AHI1: variants seen among roughly 807,000 people sequenced by gnomAD.
The protein encoded by AHI1 is Abelson helper integration site 1, also known as jouberin.
A neutral mutation model predicts 149.3 loss-of-function variants in AHI1; 123 were observed. The ratio of observed to expected loss-of-function variants is 0.82; its 90% CI spans 0.71 to 0.96. AHI1 has a LOEUF of 0.96. Ranked by LOEUF, AHI1 falls within the 40% of genes least tolerant of loss-of-function variation. The pLI is 0.00. For synonymous variants in AHI1, 475 were observed against 459.8 expected (o/e 1.03, Z -0.42); for missense variants, 1,439 against 1,422.7 (o/e 1.01, Z -0.18).
chr6:135,334,082 T>C (rs1484297394), intron 24 of AHI1, among the ~76,000 whole-genome samples: 1 of 152,222 alleles, frequency 6.6e-6, no homozygotes, highest in Admixed American at 6.5e-5. Context: ...GGAAATACTT[T>C]TCTTATTCTT....
At chr6:135,409,275 A>G (rs1176000118) in intron 21 of AHI1, among the ~76,000 whole-genome samples, 1 of 152,132 alleles carries the variant, frequency 6.6e-6, no homozygotes, top group Non-Finnish European at 1.5e-5. Flanking sequence ...ACACATCCTT[A>G]TATTTTTAAA....
At chr6:135,399,884 C>T (rs1337487593) in intron 22 of AHI1, among the ~76,000 whole-genome samples, 1 of 151,570 alleles carries the variant, frequency 6.6e-6, no homozygotes, top group Non-Finnish European at 1.5e-5. Context: ...CCAAATAGTG[C>T]CAACATAATA....
At chr6:135,417,053 A>G (rs189454925) in intron 20 of AHI1, among the ~76,000 whole-genome samples, 5 of 152,224 alleles carry the variant, frequency 3.3e-5, no homozygotes, top group Admixed American at 2.0e-4. Flanking sequence ...AGAAACTTTA[A>G]AGCTGTAAAA....
At chr6:135,473,353 T>C (rs908223140) in intron 5 of AHI1, among the ~76,000 whole-genome samples, 3 of 152,178 alleles carry the variant, frequency 2.0e-5, no homozygotes, top group African/African-American at 7.2e-5. Context: ...ACTATTGCTT[T>C]ATAATGAGTT....
intron 8 of AHI1, among the ~76,000 whole-genome samples, chr6:135,461,752 G>T (rs1302289562): frequency 6.6e-6 from 1 of 151,828 alleles, no homozygotes; most frequent in Non-Finnish European, 1.5e-5. Flanking sequence ...ACAGAATTAA[G>T]AATGAATAAG....
intron 4 of AHI1, among the ~76,000 whole-genome samples, chr6:135,491,462 C>T (rs1404842558): frequency 6.6e-6 from 1 of 152,176 alleles, no homozygotes; most frequent in Non-Finnish European, 1.5e-5. Context: ...GTTAACCTGT[C>T]TGTTTAAATG....
chr6:135,482,893 G>GTTTTTTTTTTTTTTTTTTTTTTTTTTTTT (rs1491384083), intron 5 of AHI1, among the ~76,000 whole-genome samples: 5 of 5,788 alleles, frequency 8.6e-4, no homozygotes, highest in African/African-American at 2.1e-3. Flanking sequence ...TCCATTTAAG[G>GTTTTTTTTTTTTTTTTTTTTTTTTTTTTT]CTTTTTTTTT....
chr6:135,473,388 C>G (rs553594940), intron 5 of AHI1, among the ~76,000 whole-genome samples: 1 of 152,230 alleles, frequency 6.6e-6, no homozygotes, highest in South Asian at 2.1e-4. Flanking sequence ...GTAATTCCAA[C>G]TTTGTTCCTT....
intron 24 of AHI1, among the ~76,000 whole-genome samples, chr6:135,326,541 A>AGTAT (rs761164638): frequency 3.0e-4 from 45 of 152,228 alleles, no homozygotes; most frequent in South Asian, 6.2e-4. Flanking sequence ...TCATGTAAAT[A>AGTAT]GTATACACTG....
At chr6:135,432,889 T>G in intron 16 of AHI1, 138 bp downstream of exon 16, 1 of 629,862 alleles carries the variant, frequency 1.6e-6, no homozygotes, top group Non-Finnish European at 2.8e-6. Flanking sequence ...GTCATATCTA[T>G]CATATGACCT....
At chr6:135,298,318 G>C (rs866623386) in intron 27 of AHI1, among the ~76,000 whole-genome samples, 9 of 137,230 alleles carry the variant, frequency 6.6e-5, no homozygotes, top group Admixed American at 2.1e-4. Flanking sequence ...AGAAGTGACT[G>C]ACATTTCTCA....
At chr6:135,385,737 C>T (rs907004354) in intron 23 of AHI1, among the ~76,000 whole-genome samples, 1 of 152,116 alleles carries the variant, frequency 6.6e-6, no homozygotes, top group Non-Finnish European at 1.5e-5. Flanking sequence ...TTGTACAATA[C>T]GTAAGCTAAA....
intron 24 of AHI1, among the ~76,000 whole-genome samples, chr6:135,325,337 A>T (rs574747811): frequency 2.0e-5 from 3 of 152,166 alleles, no homozygotes; most frequent in Non-Finnish European, 2.9e-5. Context: ...ACAAGTTATA[A>T]TTTTAGTATA....
intron 8 of AHI1, among the ~76,000 whole-genome samples, chr6:135,460,444 C>A (rs969127436): frequency 2.6e-5 from 4 of 152,020 alleles, no homozygotes; most frequent in African/African-American, 9.7e-5. Context: ...AAATTCATAG[C>A]CTGAGAATCA....
chr6:135,427,435 A>C, intron 19 of AHI1, 128 bp from the exon 20 acceptor site: 2 of 779,980 alleles, frequency 2.6e-6, no homozygotes, highest in African/African-American at 1.8e-5. Flanking sequence ...TTTATGTGAA[A>C]ACCTCAAATA....
chr6:135,377,645 A>G (rs1272490123), intron 23 of AHI1, among the ~76,000 whole-genome samples: 7 of 151,944 alleles, frequency 4.6e-5, no homozygotes. Flanking sequence ...ACACTCAGCT[A>G]CTTTTTAAAT....
chr6:135,377,465 AT>A (rs1776116582), intron 23 of AHI1, among the ~76,000 whole-genome samples: 1 of 137,404 alleles, frequency 7.3e-6, no homozygotes, highest in Admixed American at 6.9e-5. Flanking sequence ...GCTTTGAGTT[AT>A]TTATTTATTT....
intron 18 of AHI1, 124 bp from the exon 19 acceptor site, chr6:135,428,883 T>G: frequency 1.2e-6 from 1 of 811,452 alleles, no homozygotes; most frequent in Non-Finnish European, 1.9e-6. Flanking sequence ...ATCTGCCATA[T>G]GGGAGACATT....
intron 22 of AHI1, among the ~76,000 whole-genome samples, chr6:135,395,688 A>C (rs181492444): frequency 6.6e-6 from 1 of 152,098 alleles, no homozygotes; most frequent in African/African-American, 2.4e-5. Context: ...CATTATTAAC[A>C]AATCAATCAT....
Sources: allele counts gnomAD v4.1 joint callset (sites outside exome capture counted in the v4.1 genomes callset), GRCh38; gene constraint gnomAD v4.1.1; transcripts MANE v1.5; gene names NCBI Gene and HGNC (gene_info 2026-07-23, HGNC 2026-07-21).